The following ZNF28 variants were observed in gnomAD, a reference collection of about 807,000 sequenced individuals.
The protein encoded by ZNF28 is zinc finger protein 28, also known as zinc finger protein KOX24.
Under a neutral mutation model 7.2 loss-of-function variants are expected in ZNF28, and 5 were observed. That is an observed-to-expected ratio of 0.70 (90% confidence interval 0.36 to 1.46). The LOEUF (loss-of-function observed/expected upper bound fraction) is 1.46. Among genes scored for constraint, ZNF28 ranks in the 40% most tolerant of loss-of-function variants. The pLI is 0.03. For synonymous variants in ZNF28, 288 were observed against 292.4 expected (o/e 0.99, Z 0.15); for missense variants, 879 against 866.6 (o/e 1.01, Z -0.18).
intron 2 of ZNF28, among the ~76,000 whole-genome samples, chr19:52,817,695 C>G (rs1450948016): frequency 6.6e-6 from 1 of 152,146 alleles, no homozygotes; most frequent in Non-Finnish European, 1.5e-5. Flanking sequence ...GACCCTCACC[C>G]CGTCTCCATC....
At chr19:52,809,882 A>T in intron 2 of ZNF28, 2 of 746,286 alleles carry the variant, frequency 2.7e-6, no homozygotes, top group South Asian at 1.5e-5. Flanking sequence ...GCGGTCCGGG[A>T]TCCAGGCCGG....
At position 52,798,602 on chromosome 19, in the gene ZNF28, G is replaced by A; in HGVS notation, c.*1086C>T. On this transcript the variant is annotated 3_prime_UTR_variant, in exon 4 of 4. Coordinates refer to ENST00000457749, the MANE Select transcript of ZNF28 (RefSeq NM_006969.5). Reference sequence around the variant, plus strand: ...ACGCTTTGCCACAATCATCACACTTGTGAGTTTCTCTCCTGTATGAATCCT... The same window carrying A: ...ACGCTTTGCCACAATCATCACACTTATGAGTTTCTCTCCTGTATGAATCCT... The A allele has an allele frequency of 2.1e-6, 1 of 465,328 alleles. No homozygotes were observed. 28.8% of individuals were successfully genotyped at this position (465,328 alleles called of 1,614,324 possible).
chr19:52,816,966 CCT>C (rs1433339582), intron 2 of ZNF28, among the ~76,000 whole-genome samples: 1 of 151,964 alleles, frequency 6.6e-6, no homozygotes, highest in African/African-American at 2.4e-5. Flanking sequence ...ACCAAAAACA[CCT>C]GTTTCACAAG....
intron 2 of ZNF28, among the ~76,000 whole-genome samples, chr19:52,808,897 C>T (rs1301761609): frequency 6.6e-6 from 1 of 151,752 alleles, no homozygotes; most frequent in Non-Finnish European, 1.5e-5. Flanking sequence ...ATAATAAAAC[C>T]TAGAGACTCA....
At chr19:52,813,784 T>C (rs181718463) in intron 2 of ZNF28, among the ~76,000 whole-genome samples, 1 of 146,642 alleles carries the variant, frequency 6.8e-6, no homozygotes. Context: ...CCCTTCCCCA[T>C]GGGGAAATGC....
In ZNF28 at chr19:52,813,926, ACT is replaced by A. The variant is rs1247145263; in HGVS notation, c.15+4016_15+4017del. On this transcript the variant is annotated intron_variant, in intron 2 of 3. Transcript: ENST00000457749. ...GTGGGAACAGGGAGGTGGGAGATGGACTCTGTTTATTTTTTTAAGCTCATTTC... is the reference window on the plus strand; with the variant it reads ...GTGGGAACAGGGAGGTGGGAGATGGACTGTTTATTTTTTTAAGCTCATTTC... Among the ~76,000 whole-genome samples the A allele has an allele frequency of 1.0e-4, 14 of 139,312 alleles. 2 individuals carry two copies. The South Asian group carries it at 2.9e-3, about 29-fold the overall frequency. 91.4% of individuals were successfully genotyped at this position (139,312 alleles called of 152,430 possible). A position where few individuals can be genotyped will look rare whatever the true frequency, so the allele number is the denominator to read the frequency against.
chr19:52,800,572 A>G lies in ZNF28; in HGVS notation c.1273T>C (p.Tyr425His). 6.2e-7 allele frequency: 1 copy of G among 1,613,270 alleles called. No homozygotes were observed. Among genetic ancestry groups the G allele is most frequent in the Non-Finnish European group, 8.5e-7 (1 of 1,179,788 alleles). ...VCDKAFAYNS[Y>H]LAKHSIIHTG... The stretch of plus-strand genomic sequence containing the variant: ...TGAATTATACTATGTTTTGCCAGGT[A>G]TGAATTATATGCAAAAGCCTTGTCA... Residue 425 changes from tyrosine to histidine, a missense_variant, in exon 4 of 4, where the codon TAC becomes CAC. By Grantham distance (83) the Tyr-to-His change is moderately conservative. Coordinates refer to ENST00000457749, the MANE Select transcript of ZNF28 (RefSeq NM_006969.5).
chr19:52,811,126 A>G (rs1338817410), intron 2 of ZNF28, among the ~76,000 whole-genome samples: 27 of 148,920 alleles, frequency 1.8e-4, no homozygotes, highest in South Asian at 2.1e-4. Context: ...GCTCCTAACC[A>G]CGAGTGATCC....
chr19:52,817,621 C>T (rs1265755231), intron 2 of ZNF28, among the ~76,000 whole-genome samples: 1 of 152,080 alleles, frequency 6.6e-6, no homozygotes, highest in Non-Finnish European at 1.5e-5. Flanking sequence ...CCACAGAGAG[C>T]TGACAGTGCA....
At chr19:52,812,058 G>A in intron 2 of ZNF28, among the ~76,000 whole-genome samples, 1 of 77,664 alleles carries the variant, frequency 1.3e-5, no homozygotes, top group South Asian at 4.8e-4. Context: ...TATCCAGGAG[G>A]TGAGGGGCGC....
intron 2 of ZNF28, among the ~76,000 whole-genome samples, chr19:52,809,371 T>G (rs2062982459): frequency 6.6e-6 from 1 of 152,250 alleles, no homozygotes; most frequent in Non-Finnish European, 1.5e-5. Context: ...AAGCTAGCCA[T>G]GTTTACTAAC....
chr19:52,803,769 C>T (rs1375916732), intron 3 of ZNF28, among the ~76,000 whole-genome samples: 3 of 151,946 alleles, frequency 2.0e-5, no homozygotes, highest in African/African-American at 7.3e-5. Flanking sequence ...CCAGCCTGGG[C>T]AACATGGTGA....
In ZNF28 at chr19:52,800,377, T is replaced by C. The variant is rs374670620; in HGVS notation, c.1468A>G (p.Thr490Ala). The C allele has an allele frequency of 1.5e-5, 24 of 1,614,054 alleles. No homozygotes were observed. The highest frequency in any genetic ancestry group is 2.7e-5 in the African/African-American group (2 of 74,926). ...SHLERHRRIH[T>A]GEKPYKCKVC... is the part of the protein sequence containing the mutation. Reference sequence around the variant, plus strand: ...TTACATTTGTATGGTTTCTCTCCAGTATGAATCCTCCTATGTCTTTCAAGG... The same window carrying C: ...TTACATTTGTATGGTTTCTCTCCAGCATGAATCCTCCTATGTCTTTCAAGG... Residue 490 changes from threonine to alanine, a missense_variant, in exon 4 of 4, where the codon ACT (threonine) becomes GCT (alanine). Transcript: ENST00000457749.
intron 2 of ZNF28, among the ~76,000 whole-genome samples, chr19:52,815,804 G>A (rs1008138019): frequency 6.2e-5 from 9 of 145,872 alleles, no homozygotes; most frequent in South Asian, 2.3e-4. Flanking sequence ...CAGCCTGGGC[G>A]ACAGAGCGAG....
chr19:52,808,278 TTTA>T, intron 2 of ZNF28, 145 bp from the exon 3 acceptor site: 1 of 1,461,600 alleles, frequency 6.8e-7, no homozygotes, highest in East Asian at 2.3e-5. Context: ...ACATGATGTT[TTTA>T]TTATACTTTT....
At chr19:52,802,244 C>G (rs1190278461) in intron 3 of ZNF28, among the ~76,000 whole-genome samples, 1 of 152,194 alleles carries the variant, frequency 6.6e-6, no homozygotes, top group Non-Finnish European at 1.5e-5. Context: ...TGGCCCGTGC[C>G]TGTACTCACA....
chr19:52,798,621 GAAT>G lies in ZNF28; in HGVS notation c.*1064_*1066del. 2.4e-6 allele frequency: 1 copy of G among 410,486 alleles called. No homozygotes were observed. The highest frequency in any genetic ancestry group is 1.7e-5 in the South Asian group (1 of 57,860). 25.4% of individuals were successfully genotyped at this position (410,486 alleles called of 1,614,324 possible). A position where few individuals can be genotyped will look rare whatever the true frequency, so the allele number is the denominator to read the frequency against. ...ACACTTGTGAGTTTCTCTCCTGTAT[GAAT>G]CCTCCTATGTTTTGCATAGGATGAA... On this transcript the variant is annotated 3_prime_UTR_variant, in exon 4 of 4. Transcript: ENST00000457749.
intron 3 of ZNF28, among the ~76,000 whole-genome samples, chr19:52,806,756 G>A (rs534665325): frequency 1.3e-5 from 2 of 152,024 alleles, no homozygotes; most frequent in Admixed American, 6.6e-5. Context: ...ACAAAAATTA[G>A]CTGGGCATGG....
At position 52,798,728 on chromosome 19, in the gene ZNF28, T is replaced by C; in HGVS notation, c.*960A>G. 2.0e-6 allele frequency: 1 copy of C among 499,616 alleles called. No individual in the cohort carries two copies. The highest frequency in any genetic ancestry group is 3.8e-6 in the Non-Finnish European group (1 of 260,884). 30.9% of individuals were successfully genotyped at this position (499,616 alleles called of 1,614,324 possible). ...ATGAGTTCGATGATGAATAGCAATA[T>C]ATGAACGATATCTGAAAAATCTGTC... is the stretch of plus-strand genomic sequence containing the variant. On this transcript the variant is annotated 3_prime_UTR_variant, in exon 4 of 4. Coordinates refer to ENST00000457749, the MANE Select transcript of ZNF28 (RefSeq NM_006969.5).
Sources: allele counts gnomAD v4.1 joint callset (sites outside exome capture counted in the v4.1 genomes callset), GRCh38; gene constraint gnomAD v4.1.1; transcripts MANE v1.5; gene names NCBI Gene and HGNC (gene_info 2026-07-23, HGNC 2026-07-21).